The following ST6GAL1 variants were observed in gnomAD, a reference collection of about 807,000 sequenced individuals.
ST6GAL1 encodes ST6 beta-galactoside alpha-2,6-sialyltransferase 1, also known as beta-galactoside alpha-2,6-sialyltransferase 1.
Under a neutral mutation model 38.0 loss-of-function variants are expected in ST6GAL1, and 20 were observed. The ratio of observed to expected loss-of-function variants is 0.53; its 90% CI spans 0.37 to 0.77. The LOEUF (loss-of-function observed/expected upper bound fraction) is 0.77. ST6GAL1 is among the 30% of genes least tolerant of loss of function. ST6GAL1 has a pLI of 0.00. For missense variants in ST6GAL1, 432 were observed against 496.4 expected (o/e 0.87, Z 1.23); for synonymous variants, 196 against 188.2 (o/e 1.04, Z -0.34).
chr3:186,993,994 CTG>C (rs1230424564), intron 2 of ST6GAL1, among the ~76,000 whole-genome samples: 5 of 152,186 alleles, frequency 3.3e-5, no homozygotes, highest in Admixed American at 3.3e-4. Context: ...GAGAGGGTCT[CTG>C]TGGCCTGAAG....
At chr3:187,054,682 C>T (rs1718630348) in intron 5 of ST6GAL1, among the ~76,000 whole-genome samples, 1 of 152,176 alleles carries the variant, frequency 6.6e-6, no homozygotes, top group African/African-American at 2.4e-5. Context: ...TTTTGATGCA[C>T]TGCTGGATTT....
chr3:187,060,182 T>C (rs1718860755), intron 5 of ST6GAL1, among the ~76,000 whole-genome samples: 1 of 151,782 alleles, frequency 6.6e-6, no homozygotes. Flanking sequence ...TCAGTGGGGG[T>C]AGGGGGGTTG....
chr3:187,059,447 T>C (rs961316050), intron 5 of ST6GAL1, among the ~76,000 whole-genome samples: 2 of 152,232 alleles, frequency 1.3e-5, no homozygotes, highest in African/African-American at 4.8e-5. Flanking sequence ...CACTTCTATA[T>C]AAGATGCTAC....
At chr3:186,983,390 C>CA (rs753376809) in intron 2 of ST6GAL1, among the ~76,000 whole-genome samples, 1 of 152,008 alleles carries the variant, frequency 6.6e-6, no homozygotes, top group Admixed American at 6.6e-5. Flanking sequence ...AATGAGAAAA[C>CA]AAAGAGAGGG....
intron 1 of ST6GAL1, among the ~76,000 whole-genome samples, chr3:186,951,111 C>T (rs1714561958): frequency 6.6e-6 from 1 of 152,112 alleles, no homozygotes; most frequent in Admixed American, 6.5e-5. Flanking sequence ...TTTTTGTCCC[C>T]CAGGCTGCAG....
At chr3:186,946,604 C>G (rs1714380030) in intron 1 of ST6GAL1, among the ~76,000 whole-genome samples, 2 of 152,302 alleles carry the variant, frequency 1.3e-5, no homozygotes, top group South Asian at 4.1e-4. Flanking sequence ...TTTCTTCCAT[C>G]TTTCACACTT....
Position 187,029,873 on chromosome 3 carries a change from GTGACAGGTGGAAGGAT to G in ST6GAL1, c.-182-8867_-182-8852del, listed in dbSNP as rs560430422. ...AAGAATATGAGGAAAGTGAGGAACA[GTGACAGGTGGAAGGAT>G]TAACCACAGAAGCTTGTTGGAGTTG... On this transcript the variant is annotated intron_variant, in intron 2 of 7. Coordinates refer to ENST00000169298, the MANE Select transcript of ST6GAL1 (RefSeq NM_173216.2). 2.0e-5 allele frequency among the ~76,000 whole-genome samples: 3 copies of G among 152,338 alleles called. No individual in the cohort carries two copies. The South Asian group carries it at 6.2e-4, about 32-fold the overall frequency.
rs1452041754 is a variant in ST6GAL1 at position 187,051,252 on chromosome 3, A to T, written c.611A>T (p.Asp204Val). The change falls in exon 5 of 8, where the codon GAT becomes GTT. Residue 204 changes from aspartate to valine, a missense_variant. By Grantham distance (152) the Asp-to-Val change is radical. Transcript: ENST00000169298. ...KSSQLGREID[D>V]HDAVLRFNGA... is the part of the protein sequence containing the mutation. ...TCTGTTTCTTTGTGGTTTATAGATG[A>T]TCATGACGCAGTCCTGAGGTTTAAT... The T allele has an allele frequency of 6.2e-7, 1 of 1,613,394 alleles. No homozygotes were observed. Among genetic ancestry groups the T allele is most frequent in the Non-Finnish European group, 8.5e-7 (1 of 1,179,820 alleles).
intron 1 of ST6GAL1, among the ~76,000 whole-genome samples, chr3:186,936,362 A>G (rs763812922): frequency 6.6e-6 from 1 of 152,242 alleles, no homozygotes; most frequent in Non-Finnish European, 1.5e-5. Context: ...GAGAATTTAG[A>G]CAGGGAATTA....
chr3:186,951,863 C>T (rs958513668), intron 1 of ST6GAL1, among the ~76,000 whole-genome samples: 1 of 152,150 alleles, frequency 6.6e-6, no homozygotes, highest in Non-Finnish European at 1.5e-5. Context: ...GTTGAAGGCA[C>T]CAGCAGATTC....
In ST6GAL1 at chr3:187,012,321, G is replaced by A. The variant is rs192812281; in HGVS notation, c.-182-26421G>A. On this transcript the variant is annotated intron_variant, in intron 2 of 7. Coordinates refer to ENST00000169298, the MANE Select transcript of ST6GAL1 (RefSeq NM_173216.2). ...CTCCCAGGCTGGAGTGCAGTGGCAC[G>A]ATCTCGGCTCACTGCAAGCTCCGCC... Among the ~76,000 whole-genome samples the A allele has an allele frequency of 7.9e-5, 12 of 151,700 alleles. No homozygotes were observed. In the East Asian group the frequency reaches 1.9e-3, roughly 25 times the overall value.
In ST6GAL1 at chr3:187,075,569, C is replaced by T; in HGVS notation, c.987C>T (p.Ile329=). Residue 329 remains isoleucine (I), a synonymous_variant, in exon 8 of 8, where the codon ATC becomes ATT. Transcript: ENST00000169298. This position sits in a 1 kb window ranked among gnomAD's most constrained non-coding sequence, Gnocchi z 4.1. ...NPPSSGMLGI[I]IMMTLCDQVD... ...CTCTGCTCCCCTCTCCAGGTATCAT[C>T]ATCATGATGACGCTGTGTGACCAGG... 1.2e-6 allele frequency: 2 copies of T among 1,614,126 alleles called. No homozygotes were observed. Among genetic ancestry groups the T allele is most frequent in the Non-Finnish European group, 1.7e-6 (2 of 1,179,966 alleles).
At chr3:186,959,864 A>G (rs1404189440) in intron 1 of ST6GAL1, among the ~76,000 whole-genome samples, 1 of 152,182 alleles carries the variant, frequency 6.6e-6, no homozygotes, top group Non-Finnish European at 1.5e-5. Flanking sequence ...CATCTCAGAC[A>G]ATGTGGAAGA....
chr3:186,971,122 C>T (rs1295410208), intron 2 of ST6GAL1, among the ~76,000 whole-genome samples: 1 of 152,196 alleles, frequency 6.6e-6, no homozygotes, highest in African/African-American at 2.4e-5. Flanking sequence ...GAGTTTCACT[C>T]TTGTCACCCA....
At chr3:187,006,940 T>G (rs1441793731) in intron 2 of ST6GAL1, among the ~76,000 whole-genome samples, 3 of 152,222 alleles carry the variant, frequency 2.0e-5, no homozygotes, top group Non-Finnish European at 1.5e-5. Context: ...AAGTGGTATT[T>G]TAGTGGAGTT....
In ST6GAL1 at chr3:186,971,597, C is replaced by G. The variant is rs1715352775; in HGVS notation, c.-183+7671C>G. Among the ~76,000 whole-genome samples the G allele has an allele frequency of 3.3e-5, 5 of 152,310 alleles. 1 individual carries two copies. In the South Asian group the frequency reaches 1.0e-3, roughly 32 times the overall value. The stretch of plus-strand genomic sequence containing the variant: ...CCCCTCCCATCATTTTCAGAGCTGC[C>G]CCAGGAATCTGACTTCCTTGTTCTT... On this transcript the variant is annotated intron_variant, in intron 2 of 7. Coordinates refer to ENST00000169298, the MANE Select transcript of ST6GAL1 (RefSeq NM_173216.2).
rs1441343688 is a variant in ST6GAL1, at chr3:187,025,013, G to GTGTGTGTGTGTCTGTGTGTC, written c.-182-13722_-182-13721insGTGTCTGTGTGTCTGTGTGT. 6.1e-3 allele frequency among the ~76,000 whole-genome samples: 921 copies of GTGTGTGTGTGTCTGTGTGTC among 151,364 alleles called. 6 individuals carry two copies. Among genetic ancestry groups the GTGTGTGTGTGTCTGTGTGTC allele is most frequent in the African/African-American group, 0.018 (751 of 41,132 alleles). On this transcript the variant is annotated intron_variant, in intron 2 of 7. Coordinates refer to ENST00000169298, the MANE Select transcript of ST6GAL1 (RefSeq NM_173216.2). ...CGTGTGTGTGTGTGTGTGTGTGTGT[G>GTGTGTGTGTGTCTGTGTGTC]TGTGTGTCTGTGTGTGTGTGTCTCA...
At chr3:187,062,534 G>A (rs1368930473) in intron 5 of ST6GAL1, among the ~76,000 whole-genome samples, 1 of 147,760 alleles carries the variant, frequency 6.8e-6, no homozygotes, top group Non-Finnish European at 1.5e-5. Flanking sequence ...CTACAACATG[G>A]ATGAACCCTG....
In ST6GAL1 at chr3:186,984,762, C is replaced by T. The variant is rs1406813483; in HGVS notation, c.-183+20836C>T. Reference sequence around the variant, plus strand: ...TCCTTCCCTCCCTCCCTCCCTCCCTCCCTCCTTCCTTCCTTCCCTTCCTCC... The same window carrying T: ...TCCTTCCCTCCCTCCCTCCCTCCCTTCCTCCTTCCTTCCTTCCCTTCCTCC... On this transcript the variant is annotated intron_variant, in intron 2 of 7. Transcript: ENST00000169298. Among the ~76,000 whole-genome samples the T allele has an allele frequency of 4.9e-4, 15 of 30,882 alleles. 1 individual carries two copies. The highest frequency in any genetic ancestry group is 9.0e-4 in the African/African-American group (8 of 8,840). 20.3% of individuals were successfully genotyped at this position (30,882 alleles called of 152,430 possible).
Sources: allele counts gnomAD v4.1 joint callset (sites outside exome capture counted in the v4.1 genomes callset), GRCh38; gene constraint gnomAD v4.1.1; non-coding constraint Gnocchi (gnomAD v3.1); transcripts MANE v1.5; gene names NCBI Gene and HGNC (gene_info 2026-07-23, HGNC 2026-07-21).